CTTNBP2NL: variants seen among roughly 807,000 people sequenced by gnomAD.
The protein encoded by CTTNBP2NL is CTTNBP2 N-terminal-like protein.
CTTNBP2NL carries 16 observed loss-of-function variants against 32.5 expected under a neutral mutation model. That is an observed-to-expected ratio of 0.49 (90% CI 0.33 to 0.75). CTTNBP2NL has a LOEUF of 0.75. CTTNBP2NL is among the 30% of genes least tolerant of loss of function. CTTNBP2NL has a pLI of 0.02. For synonymous variants in CTTNBP2NL, 298 were observed against 289.4 expected (o/e 1.03, Z -0.30); for missense variants, 645 against 756.0 (o/e 0.85, Z 1.72).
chr1:112,400,164 T>C (rs1268313729), intron 1 of CTTNBP2NL, among the ~76,000 whole-genome samples: 2 of 152,208 alleles, frequency 1.3e-5, no homozygotes, highest in Non-Finnish European at 2.9e-5. Context: ...AGCCTTTTAG[T>C]GAGAAAATGG....
chr1:112,455,562 A>G (rs1262364874), intron 5 of CTTNBP2NL, among the ~76,000 whole-genome samples: 1 of 152,250 alleles, frequency 6.6e-6, no homozygotes, highest in Non-Finnish European at 1.5e-5. Context: ...GAGACCCAAG[A>G]AAATTATTGC....
chr1:112,424,426 G>A (rs1649329162), intron 3 of CTTNBP2NL, among the ~76,000 whole-genome samples: 2 of 152,050 alleles, frequency 1.3e-5, no homozygotes. Context: ...TGGTTATTGT[G>A]GCCTTGTGGT....
intron 3 of CTTNBP2NL, among the ~76,000 whole-genome samples, chr1:112,435,439 G>A (rs960230985): frequency 6.6e-6 from 1 of 152,076 alleles, no homozygotes; most frequent in Non-Finnish European, 1.5e-5. Flanking sequence ...TTGTCATACA[G>A]GAGAATGATT....
intron 4 of CTTNBP2NL, 93 bp downstream of exon 4, chr1:112,449,265 T>G: frequency 1.4e-6 from 1 of 697,524 alleles, no homozygotes; most frequent in East Asian, 2.7e-5. Flanking sequence ...TTCACAGTAA[T>G]TCAATTGGGA....
chr1:112,398,363 C>T (rs1455399448), intron 1 of CTTNBP2NL, among the ~76,000 whole-genome samples: 2 of 152,160 alleles, frequency 1.3e-5, no homozygotes, highest in Non-Finnish European at 2.9e-5. Flanking sequence ...TGTCTGATCT[C>T]TCTCCTTGAA....
chr1:112,399,888 G>A (rs748016209), intron 1 of CTTNBP2NL, among the ~76,000 whole-genome samples: 46 of 151,992 alleles, frequency 3.0e-4, no homozygotes, highest in Non-Finnish European at 6.2e-4. Context: ...GGCCAACATG[G>A]TGAAACCCCT....
chr1:112,413,584 T>C (rs546354379), intron 2 of CTTNBP2NL, among the ~76,000 whole-genome samples: 2 of 152,316 alleles, frequency 1.3e-5, no homozygotes, highest in South Asian at 4.1e-4. Flanking sequence ...ACTACCAAGC[T>C]ACATGTTCTT....
Position 112,412,275 on chromosome 1 carries a change from A to C in CTTNBP2NL, c.-52A>C, listed in dbSNP as rs758294668. 9 of 152,190 alleles carry C rather than the reference A, an allele frequency of 5.9e-5. No homozygotes were observed. Among genetic ancestry groups the C allele is most frequent in the Non-Finnish European group, 1.2e-4 (8 of 68,034 alleles). 9.4% of individuals were successfully genotyped at this position (152,190 alleles called of 1,614,324 possible). ...CAATTTTTTACTGAAGAAAACTGTA[A>C]GTTTATACTTGAGGACTGAAGTGTG... On this transcript the variant is annotated 5_prime_UTR_variant, in exon 2 of 6. Coordinates refer to ENST00000271277, the MANE Select transcript of CTTNBP2NL (RefSeq NM_018704.3).
At chr1:112,401,353 T>G (rs935079924) in intron 1 of CTTNBP2NL, among the ~76,000 whole-genome samples, 6 of 152,132 alleles carry the variant, frequency 3.9e-5, no homozygotes, top group Non-Finnish European at 7.3e-5. Context: ...CAGATTATCT[T>G]TCTTGAGTTT....
chr1:112,426,421 G>A (rs972045307), intron 3 of CTTNBP2NL, among the ~76,000 whole-genome samples: 10 of 151,950 alleles, frequency 6.6e-5, no homozygotes, highest in African/African-American at 2.2e-4. Flanking sequence ...GCTGGGCACA[G>A]TGGCTCACAC....
rs1230558166 is a variant in CTTNBP2NL, at chr1:112,459,617, G to A, written c.*2205G>A. Reference sequence around the variant, plus strand: ...CAAGGTGTCTATCAAAATGATGTAGGGGGTATCTTAAACTGTCCAAGGCAA... The same window carrying A: ...CAAGGTGTCTATCAAAATGATGTAGAGGGTATCTTAAACTGTCCAAGGCAA... On this transcript the variant is annotated 3_prime_UTR_variant, in exon 6 of 6. Coordinates refer to ENST00000271277, the MANE Select transcript of CTTNBP2NL (RefSeq NM_018704.3). The A allele has an allele frequency of 6.6e-6, 1 of 152,108 alleles. No homozygotes were observed. The highest frequency in any genetic ancestry group is 2.1e-4 in the South Asian group (1 of 4,820). 9.4% of individuals were successfully genotyped at this position (152,108 alleles called of 1,614,324 possible).
At chr1:112,453,409 CAG>C (rs1650280494) in intron 4 of CTTNBP2NL, among the ~76,000 whole-genome samples, 1 of 152,088 alleles carries the variant, frequency 6.6e-6, no homozygotes, top group African/African-American at 2.4e-5. Flanking sequence ...ACTAAGCAAT[CAG>C]AATATTTGCA....
intron 1 of CTTNBP2NL, among the ~76,000 whole-genome samples, chr1:112,405,922 A>C (rs2100993520): frequency 6.6e-6 from 1 of 152,276 alleles, no homozygotes; most frequent in East Asian, 1.9e-4. Context: ...GCAGTGGCTC[A>C]CGCCTGTAAT....
chr1:112,420,719 A>G (rs953626270), intron 3 of CTTNBP2NL, among the ~76,000 whole-genome samples: 4 of 152,106 alleles, frequency 2.6e-5, no homozygotes, highest in African/African-American at 9.7e-5. Context: ...CTGCTGTCCC[A>G]GCCTCCCAAA....
chr1:112,434,001 G>T lies in CTTNBP2NL; in HGVS notation c.100-14941G>T, dbSNP rs1369353527. Among the ~76,000 whole-genome samples the T allele has an allele frequency of 2.6e-5, 4 of 152,026 alleles. No individual in the cohort carries two copies. The South Asian group carries it at 6.2e-4, about 24-fold the overall frequency. On this transcript the variant is annotated intron_variant, in intron 3 of 5. Coordinates refer to ENST00000271277, the MANE Select transcript of CTTNBP2NL (RefSeq NM_018704.3). ...AGTCTTTCCGCCTTGGCCTCCCAAAGGCCACCATGCCTGGCCTCCTGTGTG... is the reference window on the plus strand; with the variant it reads ...AGTCTTTCCGCCTTGGCCTCCCAAATGCCACCATGCCTGGCCTCCTGTGTG...
chr1:112,421,679 CAATT>C (rs1174753290), intron 3 of CTTNBP2NL, among the ~76,000 whole-genome samples: 1 of 150,996 alleles, frequency 6.6e-6, no homozygotes, highest in Non-Finnish European at 1.5e-5. Context: ...CAGTTCTTCT[CAATT>C]AAATCTTTGT....
chr1:112,402,943 C>G (rs979048533), intron 1 of CTTNBP2NL, among the ~76,000 whole-genome samples: 21 of 152,088 alleles, frequency 1.4e-4, no homozygotes, highest in African/African-American at 5.1e-4. Flanking sequence ...CCCAGTAAAC[C>G]CAGTTCCATT....
chr1:112,446,193 A>G (rs1270199835), intron 3 of CTTNBP2NL, among the ~76,000 whole-genome samples: 2 of 51,048 alleles, frequency 3.9e-5, no homozygotes, highest in Admixed American at 3.1e-4. Context: ...GGCCTAAAAA[A>G]GTGGAAAAAA....
chr1:112,456,582 G>A lies in CTTNBP2NL; in HGVS notation c.1090G>A (p.Ala364Thr), dbSNP rs747191488. The A allele has an allele frequency of 6.2e-7, 1 of 1,614,178 alleles. No homozygotes were observed. Among genetic ancestry groups the A allele is most frequent in the South Asian group, 1.1e-5 (1 of 91,082 alleles). Residue 364 changes from alanine to threonine, a missense_variant, in exon 6 of 6, where the codon GCA becomes ACA. By Grantham distance (58) the Ala-to-Thr change is moderately conservative. Transcript: ENST00000271277. ...PEIQTTRELT[A>T]GNNVENQVPP... Reference sequence around the variant, plus strand: ...GATACAAACTACCAGGGAGCTGACTGCAGGCAACAATGTAGAAAACCAGGT... The same window carrying A: ...GATACAAACTACCAGGGAGCTGACTACAGGCAACAATGTAGAAAACCAGGT...
Sources: allele counts gnomAD v4.1 joint callset (sites outside exome capture counted in the v4.1 genomes callset), GRCh38; gene constraint gnomAD v4.1.1; transcripts MANE v1.5; gene names NCBI Gene and HGNC (gene_info 2026-07-23, HGNC 2026-07-21).